Variants in SLC36A1 observed in about 807,000 individuals in gnomAD.
The protein encoded by SLC36A1 is solute carrier family 36 member 1, also known as proton-coupled amino acid transporter 1.
A neutral mutation model predicts 47.5 loss-of-function variants in SLC36A1; 30 were observed. The ratio of observed to expected loss-of-function variants is 0.63; its 90% CI spans 0.47 to 0.86. The LOEUF (loss-of-function observed/expected upper bound fraction) is 0.86. Among genes scored for constraint, SLC36A1 ranks in the 40% least tolerant of loss-of-function variants. The probability of loss-of-function intolerance (pLI) is 0.00; values close to 1 mark genes in which losing one functional copy is unlikely to be tolerated. For synonymous variants in SLC36A1, 255 were observed against 249.7 expected, an observed-to-expected ratio of 1.02 and a Z score of -0.20; for missense variants, 517 against 606.0, an observed-to-expected ratio of 0.85 and a Z score of 1.54.
the SLC36A1 span, among the ~76,000 whole-genome samples, chr5:151,409,878 A>G: frequency 1.3e-5 from 2 of 152,196 alleles, no homozygotes; most frequent in African/African-American, 2.4e-5. Context: ...ACCAAAGCAG[A>G]GCCTGGGAAT....
At chr5:151,382,198 T>C in the SLC36A1 span, 3 of 1,165,182 alleles carry the variant, frequency 2.6e-6, no homozygotes, top group South Asian at 1.3e-5. Flanking sequence ...CAGCGTCTGA[T>C]GTCCTGGGTG....
chr5:151,542,487 G>A, the SLC36A1 span: 243 of 1,614,080 alleles, frequency 1.5e-4, no homozygotes, highest in Non-Finnish European at 1.8e-4. Flanking sequence ...TGGTCTGTCC[G>A]TGGTCATAGG....
the SLC36A1 span, chr5:151,505,701 G>A: frequency 9.3e-6 from 15 of 1,613,864 alleles, no homozygotes; most frequent in Admixed American, 2.5e-4. Context: ...AGAGGGCCCA[G>A]CTCGGCTGAG....
chr5:151,375,317 A>G, the SLC36A1 span, among the ~76,000 whole-genome samples: 2 of 152,252 alleles, frequency 1.3e-5, no homozygotes, highest in Middle Eastern at 6.8e-3. Flanking sequence ...TGAAAAGGGT[A>G]TCCTTTTTCC....
In SLC36A1 at chr5:151,479,597, T is replaced by A; in HGVS notation, c.1159+108T>A. 4 of 1,327,676 alleles carry A rather than the reference T, an allele frequency of 3.0e-6. No individual in the cohort carries two copies. In the South Asian group the frequency reaches 4.3e-5, roughly 14 times the overall value. 82.2% of individuals were successfully genotyped at this position (1,327,676 alleles called of 1,614,324 possible). On this transcript the variant is annotated intron_variant, in intron 10 of 10. Transcript: ENST00000243389. ...GTGTTGTAGTGAAGCTGGCTATGTT[T>A]GTGACAGAGAACCTGGCCCATGGCC...
downstream of SLC36A1, among the ~76,000 whole-genome samples, chr5:151,495,063 C>T (rs1284559720): frequency 1.3e-5 from 2 of 152,196 alleles, no homozygotes; most frequent in Non-Finnish European, 2.9e-5. Context: ...TAACTTTTGG[C>T]AAATTATTTT....
At chr5:151,505,371 T>A in the SLC36A1 span, 4 of 660,354 alleles carry the variant, frequency 6.1e-6, no homozygotes, top group Admixed American at 1.2e-4. Flanking sequence ...TTTCTGGAGC[T>A]CTATCCTCAG....
the SLC36A1 span, chr5:151,549,250 A>G: frequency 1.3e-6 from 2 of 1,571,900 alleles, no homozygotes; most frequent in Non-Finnish European, 1.7e-6. Flanking sequence ...CTTTATTTCT[A>G]AAGCATCTTG....
chr5:151,521,825 C>T, the SLC36A1 span: 24 of 1,613,978 alleles, frequency 1.5e-5, no homozygotes, highest in African/African-American at 1.6e-4. Context: ...AGGCCCTGGG[C>T]GGCGATAATC....
intron 10 of SLC36A1, among the ~76,000 whole-genome samples, chr5:151,483,088 G>A (rs1480858393): frequency 2.6e-5 from 4 of 152,148 alleles, no homozygotes; most frequent in Non-Finnish European, 5.9e-5. Context: ...AACTTGGTAA[G>A]TTTTAACAGC....
the SLC36A1 span, among the ~76,000 whole-genome samples, chr5:151,529,013 T>G: frequency 6.6e-6 from 1 of 152,200 alleles, no homozygotes; most frequent in African/African-American, 2.4e-5. Flanking sequence ...GAGCATTGTT[T>G]GGCCATACTC....
the SLC36A1 span, among the ~76,000 whole-genome samples, chr5:151,345,123 C>CT: frequency 2.0e-5 from 3 of 152,170 alleles, no homozygotes; most frequent in Non-Finnish European, 4.4e-5. Context: ...GGGAGGCACT[C>CT]TATTAGCGGA....
At chr5:151,474,661 TC>T (rs1283966689) in intron 8 of SLC36A1, among the ~76,000 whole-genome samples, 4 of 152,236 alleles carry the variant, frequency 2.6e-5, no homozygotes, top group Non-Finnish European at 5.9e-5. Context: ...TGGTGTATTT[TC>T]TGCGTGCAAA....
At chr5:151,417,263 G>A in the SLC36A1 span, among the ~76,000 whole-genome samples, 1 of 152,186 alleles carries the variant, frequency 6.6e-6, no homozygotes, top group Admixed American at 6.5e-5. Context: ...AAGACAGGAA[G>A]ATGTAGGAAA....
At chr5:151,397,141 A>C in the SLC36A1 span, among the ~76,000 whole-genome samples, 95 of 152,308 alleles carry the variant, frequency 6.2e-4, no homozygotes, top group Non-Finnish European at 1.0e-3. Context: ...AAGCACTTTC[A>C]TTCCCGATAC....
chr5:151,430,761 A>G, the SLC36A1 span, among the ~76,000 whole-genome samples: 55 of 152,310 alleles, frequency 3.6e-4, no homozygotes, highest in African/African-American at 1.2e-3. Flanking sequence ...AGCTTGATCT[A>G]TCTTCTTCAG....
At chr5:151,375,117 T>A in the SLC36A1 span, among the ~76,000 whole-genome samples, 7 of 152,314 alleles carry the variant, frequency 4.6e-5, no homozygotes, top group South Asian at 6.2e-4. Context: ...GAGGTCTTAG[T>A]CATGAATTCT....
chr5:151,412,090 A>T, the SLC36A1 span, among the ~76,000 whole-genome samples: 10 of 145,116 alleles, frequency 6.9e-5, 2 homozygotes, highest in East Asian at 2.3e-3. Flanking sequence ...GTCTGCAAAC[A>T]TCCTCCACAT....
the SLC36A1 span, chr5:151,506,121 G>A: frequency 6.7e-7 from 1 of 1,490,326 alleles, no homozygotes; most frequent in Non-Finnish European, 8.8e-7. Context: ...GCAAGATAGG[G>A]TGAGCTCATT....
Sources: gnomAD v4.1 joint callset for allele counts (sites outside exome capture counted in the v4.1 genomes callset) on GRCh38, gnomAD v4.1.1 for gene constraint, MANE v1.5 for transcripts, NCBI Gene and HGNC (gene_info 2026-07-23, HGNC 2026-07-21) for gene names.